The following TMEM9 variants were observed in gnomAD, a reference collection of about 807,000 sequenced individuals.
TMEM9 encodes the protein transmembrane protein 9.
TMEM9 carries 13 observed loss-of-function variants against 22.8 expected under a neutral mutation model. That is an observed-to-expected ratio of 0.57 (90% CI 0.37 to 0.91). The LOEUF is 0.91. Ranked by LOEUF, TMEM9 falls within the 40% of genes least tolerant of loss-of-function variation. The pLI is 0.01. For missense variants in TMEM9, 182 were observed against 238.1 expected (o/e 0.76, Z 1.55); for synonymous variants, 88 against 93.0 (o/e 0.95, Z 0.31).
At chr1:201,157,423 CT>C (rs1159415660), upstream of TMEM9, among the ~76,000 whole-genome samples, 1 of 152,148 alleles carries the variant, frequency 6.6e-6, no homozygotes, top group East Asian at 1.9e-4. Flanking sequence ...GCCAGCATTC[CT>C]CCGTGCAAGC....
intron 1 of TMEM9, among the ~76,000 whole-genome samples, chr1:201,168,851 G>A (rs1666143963): frequency 6.6e-6 from 1 of 151,972 alleles, no homozygotes; most frequent in African/African-American, 2.4e-5. Context: ...GAGTACAGAG[G>A]TGCTATCATG....
At position 201,151,768 on chromosome 1, in the gene TMEM9, T is replaced by C; in HGVS notation, c.151A>G (p.Lys51Glu). Residue 51 changes from lysine to glutamate, a missense_variant, in exon 2 of 5, where the codon AAG becomes GAG. Lys to Glu is a moderately conservative substitution (Grantham distance 56, BLOSUM62 1). Coordinates refer to ENST00000367330, the MANE Select transcript of TMEM9 (RefSeq NM_001288565.2). ...CTGCGTGTAATGCCTTACCAGTCCT[T>C]CTGGGATACATTCTGGTTGTAAATG... ...GHIYNQNVSQ[K>E]DCNCLHVVEP... 6.2e-7 allele frequency: 1 copy of C among 1,613,794 alleles called. No homozygotes were observed. The highest frequency in any genetic ancestry group is 8.5e-7 in the Non-Finnish European group (1 of 1,179,728).
chr1:201,143,972 C>A, intron 3 of TMEM9, 21 bp from the exon 4 acceptor site: 1 of 1,613,388 alleles, frequency 6.2e-7, no homozygotes, highest in Non-Finnish European at 8.5e-7. Context: ...GACCGGCGTG[C>A]CTATGAACCA....
Position 201,135,629 on chromosome 1 carries a change from G to A in TMEM9, c.*34C>T, listed in dbSNP as rs115423794. 2,115 of 1,562,030 alleles carry A rather than the reference G, an allele frequency of 1.4e-3. 23 individuals are homozygous for A. In the African/African-American group the frequency reaches 0.025, roughly 19 times the overall value. ...TCCAGCCTGGAAGCTGGCAGCCATG[G>A]TGTTGGGGCCTTGACCCAACCACAC... On this transcript the variant is annotated 3_prime_UTR_variant, in exon 5 of 5. Coordinates refer to ENST00000367330, the MANE Select transcript of TMEM9 (RefSeq NM_001288565.2).
At chr1:201,141,800 TG>T (rs1664550886) in intron 4 of TMEM9, among the ~76,000 whole-genome samples, 2 of 152,116 alleles carry the variant, frequency 1.3e-5, no homozygotes, top group Non-Finnish European at 2.9e-5. Context: ...CCAGGTCTCC[TG>T]GGGGTAAGAG....
At chr1:201,150,889 T>G (rs898072755) in intron 2 of TMEM9, among the ~76,000 whole-genome samples, 5 of 152,206 alleles carry the variant, frequency 3.3e-5, no homozygotes, top group African/African-American at 1.2e-4. Context: ...GATGTTGATC[T>G]CTTCTACAGT....
intron 1 of TMEM9, among the ~76,000 whole-genome samples, chr1:201,161,101 T>C (rs1572139008): frequency 6.6e-6 from 1 of 152,336 alleles, no homozygotes; most frequent in East Asian, 1.9e-4. Context: ...AAAAAACCCC[T>C]ATATTTTCCA....
Position 201,143,899 on chromosome 1 carries a change from G to A in TMEM9, c.320C>T (p.Ala107Val). Residue 107 changes from alanine (A) to valine (V), a missense_variant, in exon 4 of 5, where the codon GCC (alanine) becomes GTC (valine). Coordinates refer to ENST00000367330, the MANE Select transcript of TMEM9 (RefSeq NM_001288565.2). ...CAGAGGGTCCACCAGCATCAGGAAG[G>A]CCATGTAGAGCAACAGGGCACCCAC... ...SVVGALLLYM[A>V]FLMLVDPLIR... The A allele has an allele frequency of 6.2e-7, 1 of 1,614,136 alleles. No homozygotes were observed. The highest frequency in any genetic ancestry group is 8.5e-7 in the Non-Finnish European group (1 of 1,180,008).
chr1:201,151,979 C>T, intron 1 of TMEM9, 127 bp from the exon 2 acceptor site: 1 of 667,842 alleles, frequency 1.5e-6, no homozygotes, highest in Admixed American at 2.2e-5. Flanking sequence ...TGCTCTTGAG[C>T]TTTCTCCATC....
rs550798569 is a variant in TMEM9 at position 201,169,700 on chromosome 1, T to C, written c.-37+1790A>G. Reference sequence around the variant, plus strand: ...TATCAGTGAGGGTGTTCACACATTTTTTTTTTGGATGAGCACTTGCTGAAG... The same window carrying C: ...TATCAGTGAGGGTGTTCACACATTTCTTTTTTGGATGAGCACTTGCTGAAG... On this transcript the variant is annotated intron_variant, in intron 1 of 5. Coordinates refer to the TMEM9 transcript ENST00000367333. 5.3e-5 allele frequency among the ~76,000 whole-genome samples: 8 copies of C among 152,346 alleles called. No homozygotes were observed. The East Asian group carries it at 1.3e-3, about 26-fold the overall frequency.
At chr1:201,168,245 G>A (rs1666125130) in intron 1 of TMEM9, among the ~76,000 whole-genome samples, 1 of 152,132 alleles carries the variant, frequency 6.6e-6, no homozygotes, top group Non-Finnish European at 1.5e-5. Flanking sequence ...GTGGACATGT[G>A]CATTCATCTC....
At chr1:201,142,693 AACAGGAGTATCTTCC>A (rs1245331247) in intron 4 of TMEM9, among the ~76,000 whole-genome samples, 2 of 152,226 alleles carry the variant, frequency 1.3e-5, no homozygotes, top group African/African-American at 4.8e-5. Flanking sequence ...TCAGTCAATA[AACAGGAGTATCTTCC>A]AGCAGCAAGG....
intron 1 of TMEM9, among the ~76,000 whole-genome samples, chr1:201,166,779 T>A (rs1471121555): frequency 2.0e-5 from 3 of 152,220 alleles, no homozygotes; most frequent in Non-Finnish European, 4.4e-5. Context: ...ATAACAGATC[T>A]ACCATAAAGT....
rs1663921819 is a variant in TMEM9 at position 201,135,654 on chromosome 1, C to T, written c.*9G>A. Reference sequence around the variant, plus strand: ...GTGTTGGGGCCTTGACCCAACCACACCAGCCCATCTAGCTGAGCATCTTGT... The same window carrying T: ...GTGTTGGGGCCTTGACCCAACCACATCAGCCCATCTAGCTGAGCATCTTGT... On this transcript the variant is annotated 3_prime_UTR_variant, in exon 5 of 5. Coordinates refer to ENST00000367330, the MANE Select transcript of TMEM9 (RefSeq NM_001288565.2). The T allele has an allele frequency of 6.2e-7, 1 of 1,601,620 alleles. No homozygotes were observed. The highest frequency in any genetic ancestry group is 8.5e-7 in the Non-Finnish European group (1 of 1,172,978).
At chr1:201,137,337 C>CA (rs1180124457) in intron 4 of TMEM9, among the ~76,000 whole-genome samples, 2 of 152,206 alleles carry the variant, frequency 1.3e-5, no homozygotes, top group Non-Finnish European at 2.9e-5. Flanking sequence ...GACATGGCCT[C>CA]AGTCACTTAT....
intron 4 of TMEM9, among the ~76,000 whole-genome samples, chr1:201,136,287 C>T (rs1330522862): frequency 6.6e-6 from 1 of 152,176 alleles, no homozygotes; most frequent in Admixed American, 6.5e-5. Context: ...CGAGGTGCCC[C>T]CAGGGCTAGT....
chr1:201,141,045 C>T (rs1480134467), intron 4 of TMEM9, among the ~76,000 whole-genome samples: 3 of 152,184 alleles, frequency 2.0e-5, no homozygotes, highest in African/African-American at 4.8e-5. Context: ...TGCAGTTCAG[C>T]GGTCACTCTC....
chr1:201,161,352 C>A (rs575420500), intron 1 of TMEM9, among the ~76,000 whole-genome samples: 49 of 152,272 alleles, frequency 3.2e-4, no homozygotes, highest in African/African-American at 1.1e-3. Flanking sequence ...CCTAAAAGAG[C>A]CTTGGAGACC....
chr1:201,153,762 G>A lies in TMEM9; in HGVS notation c.66+96C>T, dbSNP rs575384204. ...TGGCCCATAGGTGAGTGAGAGGCAG[G>A]CTTAAGGAGCAGCTGGCTACCTCTG... On this transcript the variant is annotated intron_variant, in intron 1 of 4. Coordinates refer to ENST00000367330, the MANE Select transcript of TMEM9 (RefSeq NM_001288565.2). 2.5e-6 allele frequency: 4 copies of A among 1,581,106 alleles called. No individual in the cohort carries two copies. In the Admixed American group the frequency reaches 5.5e-5, roughly 22 times the overall value.
Sources: allele counts gnomAD v4.1 joint callset (sites outside exome capture counted in the v4.1 genomes callset), GRCh38; gene constraint gnomAD v4.1.1; transcripts MANE v1.5; gene names NCBI Gene and HGNC (gene_info 2026-07-23, HGNC 2026-07-21).